Variants in CRLF3 observed in about 807,000 individuals in gnomAD.
CRLF3 encodes the protein cytokine receptor like factor 3, also known as cytokine receptor-like factor 3.
In CRLF3, 33 loss-of-function variants were observed where a neutral mutation model predicts 55.0. The observed-to-expected ratio is 0.60, with a 90% CI of 0.46 to 0.80. The LOEUF (loss-of-function observed/expected upper bound fraction) is 0.80, where lower values mean the gene tolerates loss of function less well. Among genes scored for constraint, CRLF3 ranks in the 30% least tolerant of loss-of-function variants. The pLI is 0.00. For missense variants in CRLF3, 494 were observed against 538.4 expected, an observed-to-expected ratio of 0.92 and a Z score of 0.82; for synonymous variants, 238 against 196.8, an observed-to-expected ratio of 1.21 and a Z score of -1.75.
chr17:30,784,467 A>G, intron 7 of CRLF3, 24 bp from the exon 8 acceptor site: 1 of 1,589,008 alleles, frequency 6.3e-7, no homozygotes. Flanking sequence ...GTAAAGAGTC[A>G]TTTACATGTG....
chr17:30,796,266 A>G lies in CRLF3; in HGVS notation c.497T>C (p.Ile166Thr), dbSNP rs750353403. 1.2e-6 allele frequency: 2 copies of G among 1,614,066 alleles called. No homozygotes were observed. The highest frequency in any genetic ancestry group is 8.5e-7 in the Non-Finnish European group (1 of 1,179,940). ...ATGCTTAAAAATGTGGTCTTTCACT[A>G]TGTTAAGAATTGAGTCATCCAACTG... ...SAQLDDSILN[I>T]VKDHIFKHGT... The change falls in exon 4 of 8, where the codon ATA becomes ACA. Residue 166 changes from isoleucine (I) to threonine (T), a missense_variant. Ile to Thr is a moderately conservative substitution (Grantham distance 89, BLOSUM62 -1). Coordinates refer to ENST00000324238, the MANE Select transcript of CRLF3 (RefSeq NM_015986.4).
Position 30,784,408 on chromosome 17 carries a change from G to C in CRLF3, c.1108C>G (p.Gln370Glu). Residue 370 changes from glutamine (Q) to glutamate (E), a missense_variant, in exon 8 of 8, where the codon CAG becomes GAG. Coordinates refer to ENST00000324238, the MANE Select transcript of CRLF3 (RefSeq NM_015986.4). ...VFVNGKEMTN[Q>E]LPAVTSGSTV... ...GACCCAGAAGTAACTGCGGGTAACT[G>C]ATTTGTCATTTCTTTTCCATTGACA... 1 of 1,613,444 alleles carries C rather than the reference G, an allele frequency of 6.2e-7. No homozygotes were observed. The highest frequency in any genetic ancestry group is 8.5e-7 in the Non-Finnish European group (1 of 1,179,408).
At chr17:30,816,487 T>G (rs557800206) in intron 1 of CRLF3, among the ~76,000 whole-genome samples, 2 of 146,476 alleles carry the variant, frequency 1.4e-5, no homozygotes, top group African/African-American at 5.1e-5. Context: ...CTTCTTTCTT[T>G]CTTTTTTTTT....
chr17:30,803,304 A>G (rs1022749831), intron 2 of CRLF3, among the ~76,000 whole-genome samples: 2 of 152,100 alleles, frequency 1.3e-5, no homozygotes, highest in Non-Finnish European at 2.9e-5. Context: ...AATGTGCCCC[A>G]TATCATTTAT....
intron 7 of CRLF3, among the ~76,000 whole-genome samples, chr17:30,785,334 C>T (rs910582236): frequency 1.3e-5 from 2 of 151,926 alleles, no homozygotes; most frequent in African/African-American, 4.8e-5. Flanking sequence ...CTTGGCCTCC[C>T]AAAGTGCTGG....
chr17:30,801,733 A>G (rs972271705), intron 2 of CRLF3, among the ~76,000 whole-genome samples: 1 of 152,026 alleles, frequency 6.6e-6, no homozygotes, highest in Non-Finnish European at 1.5e-5. Context: ...TCGGCCTCTA[A>G]TAACTTTTTA....
chr17:30,824,464 C>G (rs553150865), intron 1 of CRLF3, 59 bp downstream of exon 1: 3 of 1,503,806 alleles, frequency 2.0e-6, no homozygotes, highest in Non-Finnish European at 2.7e-6. Flanking sequence ...TCCCAGCCTT[C>G]GCCCGGCATC....
intron 1 of CRLF3, among the ~76,000 whole-genome samples, chr17:30,821,456 C>A (rs1904996728): frequency 6.6e-6 from 1 of 152,016 alleles, no homozygotes; most frequent in Non-Finnish European, 1.5e-5. Context: ...CAACTGAAAA[C>A]ATGTCCACAC....
intron 2 of CRLF3, among the ~76,000 whole-genome samples, chr17:30,800,800 A>G (rs1597923458): frequency 3.4e-5 from 4 of 116,366 alleles, no homozygotes; most frequent in African/African-American, 6.9e-5. Context: ...TTTGAGACGG[A>G]GTCTCGCTCT....
At chr17:30,824,499 C>A in intron 1 of CRLF3, 24 bp downstream of exon 1, 2 of 1,574,484 alleles carry the variant, frequency 1.3e-6, no homozygotes, top group Non-Finnish European at 1.7e-6. Flanking sequence ...GCCCACAGCG[C>A]CCCTGTGGGT....
rs946202420 is a variant in CRLF3, at chr17:30,784,103, C to CT, written c.*83dup. The CT allele has an allele frequency of 9.4e-4, 1,185 of 1,263,666 alleles. No homozygotes were observed. The highest frequency in any genetic ancestry group is 1.1e-3 in the Non-Finnish European group (996 of 915,274). 78.3% of individuals were successfully genotyped at this position (1,263,666 alleles called of 1,614,324 possible). On this transcript the variant is annotated 3_prime_UTR_variant, in exon 8 of 8. Transcript: ENST00000324238. ...TGGCCTAAGTTAGAGATGAATTCAA[C>CT]TTTTTTTTTAAAGCAATTACAACTA...
At chr17:30,791,303 C>T (rs976226634) in intron 6 of CRLF3, among the ~76,000 whole-genome samples, 10 of 151,650 alleles carry the variant, frequency 6.6e-5, no homozygotes, top group Non-Finnish European at 1.0e-4. Context: ...GATCTCCTAA[C>T]CTTGTGATCC....
At chr17:30,793,380 G>T in intron 5 of CRLF3, 70 bp downstream of exon 5, 1 of 1,189,474 alleles carries the variant, frequency 8.4e-7, no homozygotes, top group Non-Finnish European at 1.2e-6. Context: ...TCAGTGTGCT[G>T]CCCTTAGCAC....
chr17:30,794,014 A>AT (rs1971865261), intron 4 of CRLF3, among the ~76,000 whole-genome samples: 1 of 151,924 alleles, frequency 6.6e-6, no homozygotes, highest in African/African-American at 2.4e-5. Flanking sequence ...AATTTTTTGT[A>AT]TTTTTTGTAG....
chr17:30,784,209 C>T lies in CRLF3; in HGVS notation c.1307G>A (p.Gly436Glu). Residue 436 changes from glycine to glutamate, a missense_variant, in exon 8 of 8, where the codon GGA (glycine) becomes GAA (glutamate). Gly to Glu is a moderately conservative substitution (Grantham distance 98, BLOSUM62 -2). Coordinates refer to ENST00000324238, the MANE Select transcript of CRLF3 (RefSeq NM_015986.4). ...LYFGCSFFYP[G>E]WKVLVF ...CATCTAAAACACTAACACTTTCCATCCAGGATAGAAAAATGAGCATCCAAA... is the reference window on the plus strand; with the variant it reads ...CATCTAAAACACTAACACTTTCCATTCAGGATAGAAAAATGAGCATCCAAA... The T allele has an allele frequency of 6.2e-7, 1 of 1,613,874 alleles. No homozygotes were observed.
intron 1 of CRLF3, among the ~76,000 whole-genome samples, chr17:30,808,277 ATTTTTTTTT>A (rs71138901): frequency 1.8e-5 from 1 of 54,862 alleles, no homozygotes; most frequent in Non-Finnish European, 3.6e-5. Flanking sequence ...TAGAACCTAT[ATTTTTTTTT>A]TTTTTTTTTT....
chr17:30,784,547 T>A (rs1006628670), intron 7 of CRLF3, 104 bp from the exon 8 acceptor site: 3 of 1,059,532 alleles, frequency 2.8e-6, no homozygotes, highest in Non-Finnish European at 4.1e-6. Flanking sequence ...AATTCAGATT[T>A]TAAAAAATCT....
rs751769707 is a variant in CRLF3 at position 30,783,725 on chromosome 17, ACATT to A, written c.*458_*461del. 11 of 153,212 alleles carry A rather than the reference ACATT, an allele frequency of 7.2e-5. No homozygotes were observed. Among genetic ancestry groups the A allele is most frequent in the Non-Finnish European group, 1.5e-4 (10 of 68,836 alleles). The allele number at this position is 153,212 out of a possible 1,614,324, so 9.5% of individuals were successfully genotyped here. ...CCTGAACATGGAGAGCACAGTCAAC[ACATT>A]CATGTGGACAGCACATGAACGGATG... On this transcript the variant is annotated 3_prime_UTR_variant, in exon 8 of 8. Coordinates refer to ENST00000324238, the MANE Select transcript of CRLF3 (RefSeq NM_015986.4).
chr17:30,803,350 T>G lies in CRLF3; in HGVS notation c.337+551A>C, dbSNP rs547787301. Among the ~76,000 whole-genome samples, 79 of 152,244 alleles carry G rather than the reference T, an allele frequency of 5.2e-4. 1 individual carries two copies. The highest frequency in any genetic ancestry group is 1.7e-3 in the African/African-American group (72 of 41,558). ...TTTATAACTAATTATAACTAACACT[T>G]CAACTGCACTTGCCATGCGATACCT... On this transcript the variant is annotated intron_variant, in intron 2 of 7. Coordinates refer to ENST00000324238, the MANE Select transcript of CRLF3 (RefSeq NM_015986.4).
Sources: allele counts gnomAD v4.1 joint callset (sites outside exome capture counted in the v4.1 genomes callset), GRCh38; gene constraint gnomAD v4.1.1; transcripts MANE v1.5; gene names NCBI Gene and HGNC (gene_info 2026-07-23, HGNC 2026-07-21).